NIPSNAP1: variants seen among roughly 807,000 people sequenced by gnomAD.
The protein encoded by NIPSNAP1 is nipsnap homolog 1, also known as protein NipSnap homolog 1.
NIPSNAP1 carries 25 observed loss-of-function variants against 49.2 expected under a neutral mutation model. The ratio of observed to expected loss-of-function variants is 0.51; its 90% confidence interval spans 0.37 to 0.71. The LOEUF is 0.71. Ranked by LOEUF, NIPSNAP1 falls within the 30% of genes least tolerant of loss-of-function variation. The pLI is 0.00. For missense variants in NIPSNAP1, 294 were observed against 361.0 expected, an observed-to-expected ratio of 0.81 and a Z score of 1.50; for synonymous variants, 143 against 140.7, an observed-to-expected ratio of 1.02 and a Z score of -0.12.
intron 4 of NIPSNAP1, among the ~76,000 whole-genome samples, chr22:29,566,862 G>A (rs1464242384): frequency 6.6e-6 from 1 of 152,114 alleles, no homozygotes; most frequent in Non-Finnish European, 1.5e-5. Flanking sequence ...AGTGGCTGAT[G>A]CCTGTAATCC....
chr22:29,558,046 T>C (rs1401107462), intron 9 of NIPSNAP1, among the ~76,000 whole-genome samples: 1 of 152,160 alleles, frequency 6.6e-6, no homozygotes, highest in African/African-American at 2.4e-5. Flanking sequence ...GAGGACTGCT[T>C]GAGCCCAGGA....
intron 1 of NIPSNAP1, among the ~76,000 whole-genome samples, chr22:29,572,525 A>G (rs2064417285): frequency 6.6e-6 from 1 of 151,324 alleles, no homozygotes. Context: ...TACAAAAAAA[A>G]TAATAAATAT....
At chr22:29,567,569 T>C (rs1473272860) in intron 4 of NIPSNAP1, among the ~76,000 whole-genome samples, 1 of 152,094 alleles carries the variant, frequency 6.6e-6, no homozygotes, top group East Asian at 1.9e-4. Flanking sequence ...GAAAAGTGAA[T>C]AGTCCAGGCA....
chr22:29,565,160 T>A (rs1047787714), intron 4 of NIPSNAP1, among the ~76,000 whole-genome samples: 2 of 151,698 alleles, frequency 1.3e-5, no homozygotes, highest in African/African-American at 4.8e-5. Flanking sequence ...ACTATGATCA[T>A]GCCACTGCAC....
chr22:29,567,287 G>A (rs1380576923), intron 4 of NIPSNAP1, among the ~76,000 whole-genome samples: 1 of 152,118 alleles, frequency 6.6e-6, no homozygotes, highest in Non-Finnish European at 1.5e-5. Flanking sequence ...TGTCTATTAG[G>A]CTGGGATGGG....
At chr22:29,560,697 GAACT>G (rs754144931) in intron 8 of NIPSNAP1, 33 bp downstream of exon 8, 12 of 1,536,930 alleles carry the variant, frequency 7.8e-6, no homozygotes, top group South Asian at 2.2e-5. Context: ...CAGAGAAAGA[GAACT>G]AACAAAAGGC....
At chr22:29,572,900 A>T (rs890781760) in intron 1 of NIPSNAP1, among the ~76,000 whole-genome samples, 13 of 152,046 alleles carry the variant, frequency 8.6e-5, no homozygotes, top group Non-Finnish European at 1.8e-4. Flanking sequence ...GATCGCATGA[A>T]GCCCAGGAAA....
At chr22:29,580,191 TGA>T (rs1408072348) in intron 1 of NIPSNAP1, 2 of 1,303,756 alleles carry the variant, frequency 1.5e-6, no homozygotes, top group East Asian at 5.5e-5. Context: ...CATGGTCTAG[TGA>T]GAGAGACAGA....
chr22:29,581,086 G>T lies in NIPSNAP1; in HGVS notation c.-4C>A, dbSNP rs1287145921. On this transcript the variant is annotated 5_prime_UTR_variant, in exon 1 of 10. Coordinates refer to ENST00000216121, the MANE Select transcript of NIPSNAP1 (RefSeq NM_003634.4). ...TGCTGCACAGCCGCGGAGCCATGTT[G>T]GAGCCGCAAAGGTTGCAGGAAGGCC... is the stretch of plus-strand genomic sequence containing the variant. 9 of 1,541,462 alleles carry T rather than the reference G, an allele frequency of 5.8e-6. No individual in the cohort carries two copies. The East Asian group carries it at 2.0e-4, about 34-fold the overall frequency.
intron 2 of NIPSNAP1, 25 bp downstream of exon 2, chr22:29,570,380 A>AT (rs772712683): frequency 6.2e-7 from 1 of 1,613,918 alleles, no homozygotes; most frequent in African/African-American, 1.3e-5. Context: ...AAGGGCAGAA[A>AT]TTGGTCAGCT....
chr22:29,580,877 C>A (rs1427952641), intron 1 of NIPSNAP1, 108 bp downstream of exon 1: 3 of 915,794 alleles, frequency 3.3e-6, no homozygotes, highest in Non-Finnish European at 4.7e-6. Context: ...CCTCTAACCC[C>A]CAGATTCCAA....
At chr22:29,580,122 C>T in intron 1 of NIPSNAP1, 1 of 1,304,154 alleles carries the variant, frequency 7.7e-7, no homozygotes, top group Non-Finnish European at 1.0e-6. Flanking sequence ...ATTCCTTGAC[C>T]ATACACAGTC....
At chr22:29,573,768 C>CAAAAAA (rs695672) in intron 1 of NIPSNAP1, among the ~76,000 whole-genome samples, 2 of 125,108 alleles carry the variant, frequency 1.6e-5, no homozygotes, top group East Asian at 3.4e-4. Context: ...AACTCTGTCT[C>CAAAAAA]AAAAAAAAAA....
rs142642914 is a variant in NIPSNAP1, at chr22:29,568,291, C to A, written c.367+902G>T. Among the ~76,000 whole-genome samples, 927 of 149,410 alleles carry A rather than the reference C, an allele frequency of 6.2e-3. 9 individuals carry two copies. Among genetic ancestry groups the A allele is most frequent in the African/African-American group, 0.02 (802 of 40,458 alleles). On this transcript the variant is annotated intron_variant, in intron 4 of 9. Transcript: ENST00000216121. ...CCTGAGGTCAGAAGTTCGAGACCAGCCTGACCAACATGTGAAACCCCATCT... is the reference window on the plus strand; with the variant it reads ...CCTGAGGTCAGAAGTTCGAGACCAGACTGACCAACATGTGAAACCCCATCT...
intron 9 of NIPSNAP1, 39 bp downstream of exon 9, chr22:29,558,831 C>A (rs2064314090): frequency 6.9e-7 from 1 of 1,439,854 alleles, no homozygotes; most frequent in Admixed American, 1.7e-5. Context: ...CATCCTCAGA[C>A]AGGGTTCTCA....
intron 3 of NIPSNAP1, 167 bp downstream of exon 3, chr22:29,569,995 A>C: frequency 1.5e-6 from 1 of 685,226 alleles, no homozygotes; most frequent in Non-Finnish European, 2.6e-6. Flanking sequence ...ATCTCAAAAA[A>C]AAAGAAAGAG....
At chr22:29,563,182 C>T (rs1048766396) in intron 4 of NIPSNAP1, among the ~76,000 whole-genome samples, 25 of 151,964 alleles carry the variant, frequency 1.6e-4, no homozygotes, top group Non-Finnish European at 3.5e-4. Context: ...AGGAGAATCG[C>T]TTGAACCCAG....
intron 8 of NIPSNAP1, among the ~76,000 whole-genome samples, chr22:29,560,168 C>G (rs1471900766): frequency 6.6e-6 from 1 of 152,294 alleles, no homozygotes; most frequent in South Asian, 2.1e-4. Context: ...CATTTTACTT[C>G]CTCAGAGAGG....
At chr22:29,572,010 C>A (rs183856332) in intron 1 of NIPSNAP1, among the ~76,000 whole-genome samples, 6 of 152,232 alleles carry the variant, frequency 3.9e-5, no homozygotes, top group African/African-American at 1.4e-4. Flanking sequence ...TGTGGTTAGA[C>A]AAATGTCTTA....
Sources: gnomAD v4.1 joint callset for allele counts (sites outside exome capture counted in the v4.1 genomes callset) on GRCh38, gnomAD v4.1.1 for gene constraint, MANE v1.5 for transcripts, NCBI Gene and HGNC (gene_info 2026-07-23, HGNC 2026-07-21) for gene names.